SLC22A23: variants seen among roughly 807,000 people sequenced by gnomAD.
The protein encoded by SLC22A23 is solute carrier family 22 member 23, also known as ion transporter protein.
SLC22A23 carries 26 observed loss-of-function variants against 61.0 expected under a neutral mutation model. That is an observed-to-expected ratio of 0.43 (90% confidence interval 0.31 to 0.59). The LOEUF (loss-of-function observed/expected upper bound fraction) is 0.59. Ranked by LOEUF, SLC22A23 falls within the 20% of genes least tolerant of loss-of-function variation. SLC22A23 has a pLI of 0.11. For synonymous variants in SLC22A23, 430 were observed against 413.9 expected, an observed-to-expected ratio of 1.04 and a Z score of -0.47; for missense variants, 796 against 934.7, an observed-to-expected ratio of 0.85 and a Z score of 1.94.
intron 1 of SLC22A23, among the ~76,000 whole-genome samples, chr6:3,424,368 T>A (rs1223526761): frequency 1.3e-5 from 2 of 152,240 alleles, no homozygotes; most frequent in Non-Finnish European, 2.9e-5. Context: ...TGACATTGTA[T>A]GTCACCTGTC....
At chr6:3,415,636 T>G in intron 2 of SLC22A23, 116 bp downstream of exon 2, 1 of 710,486 alleles carries the variant, frequency 1.4e-6, no homozygotes. Context: ...TTTGGCCTTC[T>G]GCTCTGGCAC....
rs1581680524 is a variant in SLC22A23 at position 3,317,060 on chromosome 6, C to T, written c.1082+6774G>A. ...AGTCCTTACTCCCTGTGACTTCTTC[C>T]AAGCCACTTGAGATAAACACCACAT... is the stretch of plus-strand genomic sequence containing the variant. On this transcript the variant is annotated intron_variant, in intron 4 of 9. Transcript: ENST00000406686. The surrounding 1 kb of genome is among the most constrained non-coding windows in gnomAD (Gnocchi z 4.4). Among the ~76,000 whole-genome samples, 2 of 152,202 alleles carry T rather than the reference C, an allele frequency of 1.3e-5. No individual in the cohort carries two copies. The highest frequency in any genetic ancestry group is 4.8e-5 in the African/African-American group (2 of 41,440).
chr6:3,290,279 C>T (rs897695129), intron 5 of SLC22A23: 2 of 246,604 alleles, frequency 8.1e-6, no homozygotes, highest in Non-Finnish European at 1.6e-5. Context: ...CTTTTCCGTA[C>T]ACTCTACATC....
At position 3,324,796 on chromosome 6, in the gene SLC22A23, T is replaced by A. The variant is rs1442173685; in HGVS notation, c.914-794A>T. ...TTTGTAGCTCCAAAACCAAAAACAG[T>A]GTCTATTTTCAACAAATGACCACGG... On this transcript the variant is annotated intron_variant, in intron 3 of 9. Transcript: ENST00000406686. The surrounding 1 kb of genome is among the most constrained non-coding windows in gnomAD (Gnocchi z 4.3). 6.6e-6 allele frequency among the ~76,000 whole-genome samples: 1 copy of A among 152,196 alleles called. No homozygotes were observed. Among genetic ancestry groups the A allele is most frequent in the Non-Finnish European group, 1.5e-5 (1 of 68,034 alleles).
At chr6:3,275,902 G>C (rs574580907) in intron 9 of SLC22A23, among the ~76,000 whole-genome samples, 1 of 152,364 alleles carries the variant, frequency 6.6e-6, no homozygotes, top group East Asian at 1.9e-4. Flanking sequence ...AAAGAAGACA[G>C]ATAATCCAGT....
At chr6:3,337,374 T>C (rs1204444469) in intron 3 of SLC22A23, among the ~76,000 whole-genome samples, 1 of 151,502 alleles carries the variant, frequency 6.6e-6, no homozygotes, top group East Asian at 1.9e-4. Context: ...GGAGGCCTTG[T>C]AGGTGCCAGG....
chr6:3,316,463 T>A lies in SLC22A23; in HGVS notation c.1082+7371A>T, dbSNP rs537465167. ...ACCAGGGAGGCATAAGATGTCCAAG[T>A]GCAATGTTTTCTTTCTTTGCCCCAC... On this transcript the variant is annotated intron_variant, in intron 4 of 9. Coordinates refer to ENST00000406686, the MANE Select transcript of SLC22A23 (RefSeq NM_015482.2). Among the ~76,000 whole-genome samples the A allele has an allele frequency of 7.2e-4, 109 of 152,348 alleles. 2 individuals carry two copies. Among genetic ancestry groups the A allele is most frequent in the African/African-American group, 2.5e-3 (103 of 41,590 alleles).
rs547101985 is a variant in SLC22A23, at chr6:3,437,415, C to T, written c.654+18491G>A. ...ATAATAGGCCAGGCGCGGTGGCTCA[C>T]GCCTGTAATCCCAGCACTTTGGGAG... is the stretch of plus-strand genomic sequence containing the variant. On this transcript the variant is annotated intron_variant, in intron 1 of 9. Transcript: ENST00000406686. 5.3e-4 allele frequency among the ~76,000 whole-genome samples: 81 copies of T among 152,132 alleles called. 1 individual carries two copies. Among genetic ancestry groups the T allele is most frequent in the African/African-American group, 1.7e-3 (72 of 41,510 alleles).
At chr6:3,375,082 A>G (rs557456851) in intron 3 of SLC22A23, among the ~76,000 whole-genome samples, 1 of 152,340 alleles carries the variant, frequency 6.6e-6, no homozygotes, top group Admixed American at 6.5e-5. Flanking sequence ...AACATTCTTT[A>G]TTTCACACAA....
intron 3 of SLC22A23, among the ~76,000 whole-genome samples, chr6:3,389,514 G>A (rs1404482268): frequency 6.6e-6 from 1 of 152,172 alleles, no homozygotes; most frequent in Non-Finnish European, 1.5e-5. Context: ...GTCAGGGAAG[G>A]CCTCTCTCAG....
At chr6:3,432,742 G>A (rs1431721493) in intron 1 of SLC22A23, among the ~76,000 whole-genome samples, 2 of 152,166 alleles carry the variant, frequency 1.3e-5, no homozygotes, top group Non-Finnish European at 2.9e-5. Context: ...CTTAGGAAAA[G>A]CACTGAACTT....
Position 3,427,631 on chromosome 6 carries a change from T to G in SLC22A23, c.655-11776A>C, listed in dbSNP as rs1770589610. On this transcript the variant is annotated intron_variant, in intron 1 of 9. Coordinates refer to ENST00000406686, the MANE Select transcript of SLC22A23 (RefSeq NM_015482.2). The surrounding 1 kb of genome is among the most constrained non-coding windows in gnomAD (Gnocchi z 4.3). Reference sequence around the variant, plus strand: ...CACCACCTCTCAGGATGCCGTGCCCTTCACTTTGACCTCCTCAGCAGCATC... The same window carrying G: ...CACCACCTCTCAGGATGCCGTGCCCGTCACTTTGACCTCCTCAGCAGCATC... Among the ~76,000 whole-genome samples, 1 of 152,062 alleles carries G rather than the reference T, an allele frequency of 6.6e-6. No individual in the cohort carries two copies. The highest frequency in any genetic ancestry group is 6.5e-5 in the Admixed American group (1 of 15,270).
At chr6:3,343,460 T>TAC (rs904667778) in intron 3 of SLC22A23, among the ~76,000 whole-genome samples, 11 of 151,678 alleles carry the variant, frequency 7.3e-5, no homozygotes, top group African/African-American at 1.9e-4. Flanking sequence ...CCCCTGCAAA[T>TAC]ACACACACAC....
chr6:3,384,383 A>C (rs574004276), intron 3 of SLC22A23, among the ~76,000 whole-genome samples: 15 of 152,376 alleles, frequency 9.8e-5, no homozygotes, highest in Middle Eastern at 3.4e-3. Context: ...ATAAGTAAAA[A>C]TTACGAATGC....
At position 3,324,020 on chromosome 6, in the gene SLC22A23, T is replaced by TGA. The variant is rs1403090338; in HGVS notation, c.914-20_914-19dup. The TGA allele has an allele frequency of 1.9e-6, 3 of 1,611,314 alleles. No homozygotes were observed. The highest frequency in any genetic ancestry group is 2.5e-6 in the Non-Finnish European group (3 of 1,177,892). On this transcript the variant is annotated intron_variant, in intron 3 of 9. Coordinates refer to ENST00000406686, the MANE Select transcript of SLC22A23 (RefSeq NM_015482.2). This position sits in a 1 kb window ranked among gnomAD's most constrained non-coding sequence, Gnocchi z 4.3. ...CTCTATTCCTAGAACACAGAACCAA[T>TGA]GAGAGAGAGATGAGTGCCCTGCTCG...
chr6:3,297,957 T>C lies in SLC22A23; in HGVS notation c.1210+134A>G. On this transcript the variant is annotated intron_variant, in intron 5 of 9. Transcript: ENST00000406686. This position sits in a 1 kb window ranked among gnomAD's most constrained non-coding sequence, Gnocchi z 4.3. The stretch of plus-strand genomic sequence containing the variant: ...GAATGTCAAGGTTGCCACATTGCCC[T>C]TGTGCAGGCCAAAAGGTCACAGGAG... 9.1e-7 allele frequency: 1 copy of C among 1,101,564 alleles called. No homozygotes were observed. The highest frequency in any genetic ancestry group is 1.2e-6 in the Non-Finnish European group (1 of 813,416). The allele number at this position is 1,101,564 out of a possible 1,614,324, so 68.2% of individuals were successfully genotyped here.
In SLC22A23 at chr6:3,432,271, T is replaced by C. The variant is rs753258406; in HGVS notation, c.655-16416A>G. The C allele has an allele frequency of 2.8e-4, 277 of 985,340 alleles. 1 individual carries two copies. The highest frequency in any genetic ancestry group is 3.2e-4 in the Non-Finnish European group (266 of 829,948). 61.0% of individuals were successfully genotyped at this position (985,340 alleles called of 1,614,324 possible). ...AGGAAAGCTCTGTTCCTCTGCTGAG[T>C]GAACGCTGGCTCCTTCCACAATCAC... On this transcript the variant is annotated intron_variant, in intron 1 of 9. Coordinates refer to ENST00000406686, the MANE Select transcript of SLC22A23 (RefSeq NM_015482.2).
intron 5 of SLC22A23, among the ~76,000 whole-genome samples, chr6:3,296,679 C>G (rs1158983209): frequency 2.6e-5 from 4 of 152,158 alleles, no homozygotes; most frequent in Non-Finnish European, 5.9e-5. Context: ...TTCTTCTGTC[C>G]AGCGAAGCAA....
At chr6:3,337,960 C>T (rs1763950443) in intron 3 of SLC22A23, among the ~76,000 whole-genome samples, 1 of 152,180 alleles carries the variant, frequency 6.6e-6, no homozygotes, top group Non-Finnish European at 1.5e-5. Context: ...CACAAATTTC[C>T]CTTTGTGAAG....
Sources: gnomAD v4.1 joint callset for allele counts (sites outside exome capture counted in the v4.1 genomes callset) on GRCh38, gnomAD v4.1.1 for gene constraint, Gnocchi (gnomAD v3.1) non-coding constraint, MANE v1.5 for transcripts, NCBI Gene and HGNC (gene_info 2026-07-23, HGNC 2026-07-21) for gene names.